The following ARHGAP23 variants were observed in gnomAD, a reference collection of about 807,000 sequenced individuals.
ARHGAP23 encodes the protein rho GTPase-activating protein 23.
In ARHGAP23, 34 loss-of-function variants were observed where a neutral mutation model predicts 136.3. The observed-to-expected ratio is 0.25, with a 90% confidence interval of 0.19 to 0.33. The LOEUF (loss-of-function observed/expected upper bound fraction) is 0.33, where lower values mean the gene tolerates loss of function less well. Among genes scored for constraint, ARHGAP23 ranks in the 10% least tolerant of loss-of-function variants. The pLI, the probability that ARHGAP23 is intolerant of heterozygous loss-of-function variation, is 1.00. For missense variants in ARHGAP23, 1,808 were observed against 2,139.0 expected, an observed-to-expected ratio of 0.85 and a Z score of 3.05; for synonymous variants, 832 against 920.5, an observed-to-expected ratio of 0.90 and a Z score of 1.74.
intron 20 of ARHGAP23, among the ~76,000 whole-genome samples, chr17:38,494,039 C>T (rs1293345841): frequency 6.6e-6 from 1 of 152,186 alleles, no homozygotes; most frequent in Non-Finnish European, 1.5e-5. Flanking sequence ...TGTTACAGGA[C>T]ATTTAGCAGC....
At chr17:38,484,348 C>T (rs183514080) in intron 16 of ARHGAP23, among the ~76,000 whole-genome samples, 142 of 152,106 alleles carry the variant, frequency 9.3e-4, no homozygotes, top group Non-Finnish European at 1.6e-3. Flanking sequence ...AGGGAGGGGC[C>T]GTCTCAGGGA....
At chr17:38,437,365 A>T (rs1424937917) in intron 1 of ARHGAP23, among the ~76,000 whole-genome samples, 1 of 152,044 alleles carries the variant, frequency 6.6e-6, no homozygotes, top group Admixed American at 6.6e-5. Context: ...AGCTCAAGTG[A>T]TCCTCCTGCC....
At chr17:38,498,369 C>T in intron 21 of ARHGAP23, 45 bp from the exon 22 acceptor site, 4 of 1,481,896 alleles carry the variant, frequency 2.7e-6, no homozygotes, top group Non-Finnish European at 3.6e-6. Context: ...GGTTGGCAGC[C>T]CAGCATCTGA....
chr17:38,464,424 T>G (rs57172683), intron 6 of ARHGAP23, among the ~76,000 whole-genome samples: 3,146 of 152,294 alleles, frequency 0.021, 122 homozygotes, highest in African/African-American at 0.072. Context: ...GCCCCTGAGG[T>G]CACTGTCCCT....
chr17:38,485,934 A>G (rs2040150112), intron 16 of ARHGAP23, 128 bp from the exon 17 acceptor site: 2 of 786,002 alleles, frequency 2.5e-6, no homozygotes, highest in South Asian at 3.4e-5. Context: ...CCTGATGAGT[A>G]GAGAGCTTGG....
upstream of ARHGAP23, among the ~76,000 whole-genome samples, chr17:38,427,741 C>T (rs887088502): frequency 2.0e-5 from 3 of 152,206 alleles, no homozygotes; most frequent in Admixed American, 1.3e-4. Context: ...AGGGCTGGGG[C>T]ACCTGCCAGC....
chr17:38,462,513 C>T (rs544077430), intron 3 of ARHGAP23, among the ~76,000 whole-genome samples: 26 of 152,288 alleles, frequency 1.7e-4, no homozygotes, highest in African/African-American at 5.1e-4. Context: ...GCCTTGGCCT[C>T]CCAAAGTACT....
At chr17:38,492,017 G>A (rs532923203) in intron 20 of ARHGAP23, among the ~76,000 whole-genome samples, 2 of 152,228 alleles carry the variant, frequency 1.3e-5, no homozygotes, top group Non-Finnish European at 2.9e-5. Flanking sequence ...GTAACAAGGG[G>A]TGGATGGGGC....
chr17:38,429,487 A>C (rs1448292573), intron 1 of ARHGAP23, among the ~76,000 whole-genome samples: 1 of 152,224 alleles, frequency 6.6e-6, no homozygotes, highest in East Asian at 1.9e-4. Context: ...GCCAGGGCTG[A>C]GGCCTGTTCC....
Position 38,479,766 on chromosome 17 carries a change from C to T in ARHGAP23, c.2512C>T (p.Pro838Ser), listed in dbSNP as rs1476885432. Residue 838 changes from proline to serine, a missense_variant, in exon 14 of 24, where the codon CCC (proline) becomes TCC (serine). Physicochemically the swap from Pro to Ser is moderately conservative, Grantham distance 74. This residue lies in a region of ARHGAP23 where 139 missense variants were observed against 264.3 expected (regional missense o/e 0.53). Coordinates refer to ENST00000622683, the MANE Select transcript of ARHGAP23 (RefSeq NM_001199417.2). ...TTTCCTACACAGCCATAGCTCTGGG[C>T]CCAAAGCTGATTCCTCCCCCAAAGG... is the stretch of plus-strand genomic sequence containing the variant. ...DYRKVSHSSG[P>S]KADSSPKGSR... The T allele has an allele frequency of 6.0e-6, 9 of 1,493,324 alleles. No individual in the cohort carries two copies. In the East Asian group the frequency reaches 9.9e-5, roughly 16 times the overall value. The allele number at this position is 1,493,324 out of a possible 1,614,324, so 92.5% of individuals were successfully genotyped here.
At chr17:38,460,584 C>T (rs935140206) in intron 2 of ARHGAP23, among the ~76,000 whole-genome samples, 1 of 152,122 alleles carries the variant, frequency 6.6e-6, no homozygotes, top group Non-Finnish European at 1.5e-5. Context: ...TGACTGCCCG[C>T]GTCTTCTGTG....
At chr17:38,453,596 T>G in intron 1 of ARHGAP23, 1 of 145,472 alleles carries the variant, frequency 6.9e-6, no homozygotes, top group Non-Finnish European at 1.5e-5. Flanking sequence ...GCGTGTGGGG[T>G]GTGAGTGTGA....
At chr17:38,506,056 C>T (rs972464741) in intron 23 of ARHGAP23, among the ~76,000 whole-genome samples, 7 of 152,212 alleles carry the variant, frequency 4.6e-5, no homozygotes, top group African/African-American at 1.7e-4. Flanking sequence ...TTAACAGCAC[C>T]TTCTCCAGAG....
In ARHGAP23 at chr17:38,466,939, A is replaced by G. The variant is rs2039618969; in HGVS notation, c.1256A>G (p.Tyr419Cys). Residue 419 changes from tyrosine to cysteine, a missense_variant, in exon 7 of 24, where the codon TAC (tyrosine) becomes TGC (cysteine). Physicochemically the swap from Tyr to Cys is radical, Grantham distance 194 (BLOSUM62 -2). This residue lies in a region of ARHGAP23 where 859 missense variants were observed against 936.4 expected (regional missense o/e 0.92). Coordinates refer to ENST00000622683, the MANE Select transcript of ARHGAP23 (RefSeq NM_001199417.2). ...QGLDDLGYIG[Y>C]RSYSPSFQRR... ...CTGGATGACCTCGGGTACATCGGCT[A>G]CCGGAGCTACAGCCCATCATTCCAG... 6 of 1,550,372 alleles carry G rather than the reference A, an allele frequency of 3.9e-6. No homozygotes were observed. The highest frequency in any genetic ancestry group is 5.2e-6 in the Non-Finnish European group (6 of 1,146,944).
At chr17:38,488,757 C>T (rs532018318) in intron 17 of ARHGAP23, among the ~76,000 whole-genome samples, 1 of 152,302 alleles carries the variant, frequency 6.6e-6, no homozygotes, top group Non-Finnish European at 1.5e-5. Context: ...CCACGTTGGC[C>T]AGGCTGGTCT....
At chr17:38,505,638 A>C (rs1055501119) in intron 23 of ARHGAP23, among the ~76,000 whole-genome samples, 1 of 152,172 alleles carries the variant, frequency 6.6e-6, no homozygotes, top group Non-Finnish European at 1.5e-5. Flanking sequence ...ACCTTCAAGA[A>C]TCAGAGGAGG....
chr17:38,486,681 G>A (rs2144737649), intron 17 of ARHGAP23, among the ~76,000 whole-genome samples: 1 of 152,218 alleles, frequency 6.6e-6, no homozygotes, highest in South Asian at 2.1e-4. Context: ...GAGCATTAGA[G>A]TGTGCCAAGC....
In ARHGAP23 at chr17:38,448,242, G is replaced by A. The variant is rs917829011; in HGVS notation, c.64-9860G>A. Among the ~76,000 whole-genome samples the A allele has an allele frequency of 3.9e-5, 6 of 152,286 alleles. No homozygotes were observed. In the South Asian group the frequency reaches 1.0e-3, roughly 26 times the overall value. Reference sequence around the variant, plus strand: ...GGCAGTGGGAGGTGGGGGTGATGCCGGGAAGGATGAGCTTGCCTGGGTCTA... The same window carrying A: ...GGCAGTGGGAGGTGGGGGTGATGCCAGGAAGGATGAGCTTGCCTGGGTCTA... On this transcript the variant is annotated intron_variant, in intron 1 of 23. Transcript: ENST00000622683.
At chr17:38,466,060 C>A in intron 6 of ARHGAP23, 107 bp from the exon 7 acceptor site, 1 of 939,238 alleles carries the variant, frequency 1.1e-6, no homozygotes. Context: ...CCGCTTGGTC[C>A]TCTCCCTTCA....
Sources: gnomAD v4.1 joint callset for allele counts (sites outside exome capture counted in the v4.1 genomes callset) on GRCh38, gnomAD v4.1.1 for gene constraint, gnomAD v4.1.1 regional missense constraint, MANE v1.5 for transcripts, NCBI Gene and HGNC (gene_info 2026-07-23, HGNC 2026-07-21) for gene names.